WNK3: variants seen among roughly 807,000 people sequenced by gnomAD.
The protein encoded by WNK3 is WNK lysine deficient protein kinase 3.
A neutral mutation model predicts 116.7 loss-of-function variants in WNK3; 18 were observed. That is an observed-to-expected ratio of 0.15 (90% CI 0.11 to 0.23). The LOEUF (loss-of-function observed/expected upper bound fraction) is 0.23, where lower values mean the gene tolerates loss of function less well. WNK3 is among the 10% of genes least tolerant of loss of function. The pLI, the probability that WNK3 is intolerant of heterozygous loss-of-function variation, is 1.00. For synonymous variants in WNK3, 404 were observed against 469.4 expected (o/e 0.86, Z 1.80); for missense variants, 993 against 1,323.8 (o/e 0.75, Z 3.88).
intron 10 of WNK3, among the ~76,000 whole-genome samples, chrX:54,282,000 GTT>G (rs113718932): frequency 1.0e-5 from 1 of 97,068 alleles, no homozygotes. Flanking sequence ...TTGTATCATA[GTT>G]TTTTTTTTTT....
At position 54,342,262 on chromosome X, in the gene WNK3, TA is replaced by T. The variant is rs782806958; in HGVS notation, c.-119-8471del. Among the ~76,000 whole-genome samples, 374 of 103,388 alleles carry T rather than the reference TA, an allele frequency of 3.6e-3. 2 individuals are homozygous for T. Among genetic ancestry groups the T allele is most frequent in the African/African-American group, 0.013 (351 of 27,936 alleles). The allele number at this position is 103,388 out of a possible 115,157, so 89.8% of individuals were successfully genotyped here. A position where few individuals can be genotyped will look rare whatever the true frequency, so the allele number is the denominator to read the frequency against. On this transcript the variant is annotated intron_variant, in intron 1 of 23. Coordinates refer to ENST00000354646, the Ensembl canonical transcript of WNK3. ...GGGTGACAGAGAGAGATTCTGCCTA[TA>T]AAAAAAATTTTTTTTAAATATGGCT...
intron 22 of WNK3, among the ~76,000 whole-genome samples, chrX:54,224,975 G>C (rs782770223): frequency 7.2e-5 from 8 of 110,480 alleles, no homozygotes; most frequent in Non-Finnish European, 1.3e-4. Flanking sequence ...AGGCCTAACA[G>C]ACATATATGG....
intron 2 of WNK3, among the ~76,000 whole-genome samples, chrX:54,312,737 G>A (rs1302106721): frequency 9.0e-6 from 1 of 111,129 alleles, no homozygotes; most frequent in Non-Finnish European, 1.9e-5. Flanking sequence ...TATTGCGCCC[G>A]GCCTTCTCAT....
intron 22 of WNK3, among the ~76,000 whole-genome samples, chrX:54,218,441 C>T (rs1483207584): frequency 2.7e-5 from 3 of 109,437 alleles, no homozygotes; most frequent in Non-Finnish European, 5.7e-5. Flanking sequence ...CTTAAAAATA[C>T]AGTATCTGAA....
intron 6 of WNK3, among the ~76,000 whole-genome samples, chrX:54,301,262 AT>A (rs1292239990): frequency 7.4e-5 from 8 of 107,796 alleles, no homozygotes; most frequent in Non-Finnish European, 1.3e-4. Context: ...AAAAAAAAAA[AT>A]TAAAAATAAA....
intron 22 of WNK3, among the ~76,000 whole-genome samples, chrX:54,213,379 C>T (rs185248181): frequency 1.1e-4 from 12 of 107,121 alleles, no homozygotes; most frequent in African/African-American, 4.1e-4. Flanking sequence ...ATGGTGAAAC[C>T]GAGTCTCTAC....
intron 1 of WNK3, among the ~76,000 whole-genome samples, chrX:54,338,379 G>A (rs145406991): frequency 2.8e-5 from 3 of 108,826 alleles, no homozygotes; most frequent in Non-Finnish European, 3.8e-5. Flanking sequence ...CCAAGATCAC[G>A]TCACCACATT....
chrX:54,235,782 A>C (rs1265354437), intron 20 of WNK3, among the ~76,000 whole-genome samples: 3 of 112,064 alleles, frequency 2.7e-5, no homozygotes, highest in Non-Finnish European at 3.8e-5. Flanking sequence ...GAGTATATAC[A>C]TATAATGGAA....
At chrX:54,243,442 AAAG>A in intron 17 of WNK3, among the ~76,000 whole-genome samples, 1 of 108,042 alleles carries the variant, frequency 9.3e-6, no homozygotes, top group Non-Finnish European at 1.9e-5. Flanking sequence ...AAAAAAAAAA[AAAG>A]AATTCTTACA....
At chrX:54,293,323 G>A (rs2068661624) in exon 9 of WNK3, 7 of 1,183,367 alleles carry the variant, frequency 5.9e-6, no homozygotes, top group Non-Finnish European at 6.8e-6. Context: ...CAGACAAATT[G>A]TCACCTATAA....
chrX:54,309,834 G>C (rs1217464710), intron 3 of WNK3, among the ~76,000 whole-genome samples: 3 of 111,807 alleles, frequency 2.7e-5, no homozygotes, highest in Non-Finnish European at 5.6e-5. Context: ...ACTTAGCCAA[G>C]TGTAGCATTT....
At chrX:54,286,892 G>A (rs1473510469) in intron 10 of WNK3, among the ~76,000 whole-genome samples, 1 of 103,077 alleles carries the variant, frequency 9.7e-6, no homozygotes, top group African/African-American at 3.6e-5. Flanking sequence ...CAGCCTGGGT[G>A]ACAGAGCAAG....
At chrX:54,260,187 A>C (rs1557156409) in intron 10 of WNK3, among the ~76,000 whole-genome samples, 1 of 111,742 alleles carries the variant, frequency 8.9e-6, no homozygotes, top group African/African-American at 3.2e-5. Flanking sequence ...ACTATTTCAA[A>C]CTATTTCATC....
chrX:54,237,483 G>C lies in WNK3; in HGVS notation c.4083C>G (p.Phe1361Leu), dbSNP rs782181966. The change falls in exon 20 of 24, where the codon TTC becomes TTG. Residue 1361 changes from phenylalanine (F) to leucine (L), a missense_variant. Coordinates refer to ENST00000354646, the Ensembl canonical transcript of WNK3. Reference sequence around the variant, plus strand: ...CTTCACTAGAATGGTTTGTCTCACTGAACACTGATATGTGTTCTATTCCAA... The same window carrying C: ...CTTCACTAGAATGGTTTGTCTCACTCAACACTGATATGTGTTCTATTCCAA... 5.0e-6 allele frequency: 6 copies of C among 1,194,834 alleles called. No homozygotes were observed. In the Admixed American group the frequency reaches 1.2e-4, roughly 23 times the overall value.
At chrX:54,292,245 A>C (rs782627079) in intron 10 of WNK3, among the ~76,000 whole-genome samples, 1 of 112,142 alleles carries the variant, frequency 8.9e-6, no homozygotes, top group African/African-American at 3.2e-5. Flanking sequence ...TTCCATGTTC[A>C]AATCAGGCTG....
exon 15 of WNK3, chrX:54,251,419 G>C (rs1557154175): frequency 8.5e-7 from 1 of 1,181,599 alleles, no homozygotes; most frequent in East Asian, 3.0e-5. Flanking sequence ...AGTAGATGTA[G>C]AATTTATCTG....
chrX:54,222,971 A>G (rs1159140678), intron 22 of WNK3, among the ~76,000 whole-genome samples: 1 of 102,057 alleles, frequency 9.8e-6, no homozygotes, highest in African/African-American at 3.6e-5. Flanking sequence ...TAAATGCTAC[A>G]TTGGAAAATA....
At chrX:54,329,568 G>A (rs1259739827) in intron 2 of WNK3, among the ~76,000 whole-genome samples, 1 of 109,492 alleles carries the variant, frequency 9.1e-6, no homozygotes, top group East Asian at 2.9e-4. Flanking sequence ...AACCCAGGAG[G>A]CTGGAACCCA....
intron 1 of WNK3, among the ~76,000 whole-genome samples, chrX:54,342,140 C>T (rs1362773170): frequency 2.7e-5 from 3 of 110,979 alleles, no homozygotes; most frequent in Non-Finnish European, 3.8e-5. Flanking sequence ...CGGTGGTCCA[C>T]GCCTATAGTC....
Sources: allele counts gnomAD v4.1 joint callset (sites outside exome capture counted in the v4.1 genomes callset), GRCh38; gene constraint gnomAD v4.1.1; transcripts MANE v1.5; gene names NCBI Gene and HGNC (gene_info 2026-07-23, HGNC 2026-07-21).